Variants in RAPGEF5 observed in about 807,000 individuals in gnomAD.
RAPGEF5 encodes Rap guanine nucleotide exchange factor 5, also known as M-Ras-regulated GEF.
A neutral mutation model predicts 125.2 loss-of-function variants in RAPGEF5; 65 were observed. That is an observed-to-expected ratio of 0.52 (90% CI 0.43 to 0.64). The LOEUF (loss-of-function observed/expected upper bound fraction) is 0.64. Among genes scored for constraint, RAPGEF5 ranks in the 30% least tolerant of loss-of-function variants. The pLI is 0.00. For synonymous variants in RAPGEF5, 391 were observed against 385.9 expected (o/e 1.01, Z -0.16); for missense variants, 958 against 1,048.1 (o/e 0.91, Z 1.19).
intron 1 of RAPGEF5, among the ~76,000 whole-genome samples, chr7:22,349,364 C>A (rs1784286975): frequency 7.2e-6 from 1 of 139,848 alleles, no homozygotes; most frequent in Non-Finnish European, 1.5e-5. Flanking sequence ...GTAGAGGTTG[C>A]AGTGGGCTGA....
In RAPGEF5 at chr7:22,230,897, G is replaced by A. The variant is rs1382893672; in HGVS notation, c.819C>T (p.Asn273=). 1 of 1,563,074 alleles carries A rather than the reference G, an allele frequency of 6.4e-7. No individual in the cohort carries two copies. Among genetic ancestry groups the A allele is most frequent in the African/African-American group, 1.4e-5 (1 of 74,026 alleles). Residue 273 remains asparagine (N), a synonymous_variant, in exon 8 of 26, where the codon AAC becomes AAT. Coordinates refer to ENST00000665637, the MANE Select transcript of RAPGEF5 (RefSeq NM_012294.5). The part of the protein sequence containing the change: ...RKSAIEQDEE[N]NDKHVAVTEA... Reference sequence around the variant, plus strand: ...CTGTTACAGCTACATGTTTGTCGTTGTTTTCTTCATCTTGTTCAATTGCTT... The same window carrying A: ...CTGTTACAGCTACATGTTTGTCGTTATTTTCTTCATCTTGTTCAATTGCTT...
At chr7:22,126,247 C>A (rs1317130279) in intron 24 of RAPGEF5, among the ~76,000 whole-genome samples, 2 of 152,194 alleles carry the variant, frequency 1.3e-5, no homozygotes, top group Non-Finnish European at 2.9e-5. Flanking sequence ...GCACCCCCAG[C>A]CCCAGTCATC....
intron 1 of RAPGEF5, among the ~76,000 whole-genome samples, chr7:22,319,336 A>G (rs1385963319): frequency 6.6e-6 from 1 of 152,208 alleles, no homozygotes; most frequent in Non-Finnish European, 1.5e-5. Flanking sequence ...ACTTTCCAGC[A>G]TCTGAACCTT....
At position 22,122,472 on chromosome 7, in the gene RAPGEF5, G is replaced by A. The variant is rs764291878; in HGVS notation, c.2586C>T (p.His862=). ...EHQELKSYVN[H]LYVIDSQQAL... Reference sequence around the variant, plus strand: ...CCTGCTGGCTGTCAATGACATACAGGTGATTAACATAGGACTTTAACTCTT... The same window carrying A: ...CCTGCTGGCTGTCAATGACATACAGATGATTAACATAGGACTTTAACTCTT... Residue 862 remains histidine, a synonymous_variant, in exon 26 of 26, where the codon CAC becomes CAT. Transcript: ENST00000665637. 1 of 1,613,928 alleles carries A rather than the reference G, an allele frequency of 6.2e-7. No homozygotes were observed. Among genetic ancestry groups the A allele is most frequent in the South Asian group, 1.1e-5 (1 of 91,072 alleles).
At chr7:22,343,308 T>C (rs1422608648) in intron 1 of RAPGEF5, among the ~76,000 whole-genome samples, 1 of 152,134 alleles carries the variant, frequency 6.6e-6, no homozygotes, top group Non-Finnish European at 1.5e-5. Context: ...CAACACATGG[T>C]AATTCAAGAT....
At chr7:22,207,812 A>G (rs893749812) in intron 9 of RAPGEF5, among the ~76,000 whole-genome samples, 1 of 152,340 alleles carries the variant, frequency 6.6e-6, no homozygotes. Context: ...TGTAAACTCC[A>G]ATATGCAACC....
intron 5 of RAPGEF5, among the ~76,000 whole-genome samples, chr7:22,305,498 G>A (rs570091425): frequency 6.6e-6 from 1 of 152,096 alleles, no homozygotes; most frequent in Non-Finnish European, 1.5e-5. Flanking sequence ...TGTGAAATAA[G>A]CACATCATAG....
At chr7:22,180,514 C>G (rs1784641453) in intron 11 of RAPGEF5, among the ~76,000 whole-genome samples, 1 of 152,160 alleles carries the variant, frequency 6.6e-6, no homozygotes, top group African/African-American at 2.4e-5. Flanking sequence ...TAAGGAATCT[C>G]AGAACTGACT....
At chr7:22,179,610 G>T (rs1583453656) in intron 11 of RAPGEF5, among the ~76,000 whole-genome samples, 1 of 152,172 alleles carries the variant, frequency 6.6e-6, no homozygotes, top group South Asian at 2.1e-4. Flanking sequence ...ACCACAGGGT[G>T]AGATAGTACG....
intron 13 of RAPGEF5, among the ~76,000 whole-genome samples, chr7:22,161,537 AACACAC>A (rs369030719): frequency 2.8e-3 from 384 of 136,110 alleles, no homozygotes; most frequent in East Asian, 0.017. Flanking sequence ...ACCCTGTCTC[AACACAC>A]ACACACACAC....
At chr7:22,227,345 A>G (rs1007593444) in intron 8 of RAPGEF5, among the ~76,000 whole-genome samples, 1 of 152,202 alleles carries the variant, frequency 6.6e-6, no homozygotes, top group African/African-American at 2.4e-5. Context: ...TAGTATGCAT[A>G]TTTTTAAAAG....
chr7:22,331,301 C>T (rs1198534293), intron 1 of RAPGEF5, among the ~76,000 whole-genome samples: 2 of 152,166 alleles, frequency 1.3e-5, no homozygotes, highest in African/African-American at 2.4e-5. Flanking sequence ...GTAGATGGAA[C>T]ATAAAATGGA....
intron 9 of RAPGEF5, among the ~76,000 whole-genome samples, chr7:22,217,079 G>T (rs997722142): frequency 6.6e-6 from 1 of 152,218 alleles, no homozygotes; most frequent in Non-Finnish European, 1.5e-5. Flanking sequence ...AGTAATGAAG[G>T]TTAGTCAAAA....
chr7:22,218,336 G>A (rs1380706549), intron 9 of RAPGEF5, among the ~76,000 whole-genome samples: 1 of 152,046 alleles, frequency 6.6e-6, no homozygotes, highest in South Asian at 2.1e-4. Context: ...TCTAACTTTG[G>A]TGAAGTGGTA....
chr7:22,210,046 T>G (rs1044028833), intron 9 of RAPGEF5, among the ~76,000 whole-genome samples: 2 of 152,204 alleles, frequency 1.3e-5, no homozygotes, highest in Non-Finnish European at 2.9e-5. Context: ...TATAATCCTA[T>G]TTAGCAGGTG....
In RAPGEF5 at chr7:22,146,901, T is replaced by A. The variant is rs1162308026; in HGVS notation, c.2003A>T (p.His668Leu). 1 of 1,609,336 alleles carries A rather than the reference T, an allele frequency of 6.2e-7. No homozygotes were observed. Among genetic ancestry groups the A allele is most frequent in the Non-Finnish European group, 8.5e-7 (1 of 1,178,740 alleles). The change falls in exon 19 of 26, where the codon CAC becomes CTC. Residue 668 changes from histidine to leucine, a missense_variant. By Grantham distance (99) the His-to-Leu change is moderately conservative. Transcript: ENST00000665637. The part of the protein sequence containing the change: ...NFDWSLFNSI[H>L]EQELIYFTFS... ...ATCTTGTCACTCCTCATTTACCTCG[T>A]GAATTGAATTGAATAGACTCCAATC... is the stretch of plus-strand genomic sequence containing the variant.
chr7:22,312,331 C>T (rs1490790801), intron 3 of RAPGEF5, among the ~76,000 whole-genome samples: 1 of 152,158 alleles, frequency 6.6e-6, no homozygotes, highest in East Asian at 1.9e-4. Flanking sequence ...GCCTCAGCCC[C>T]CCAAGTAGCT....
At chr7:22,325,000 T>C (rs1783786085) in intron 1 of RAPGEF5, among the ~76,000 whole-genome samples, 1 of 152,182 alleles carries the variant, frequency 6.6e-6, no homozygotes, top group African/African-American at 2.4e-5. Context: ...CTCCTTTTTA[T>C]GAGACAAACC....
intron 9 of RAPGEF5, among the ~76,000 whole-genome samples, chr7:22,213,507 G>A (rs1785558032): frequency 1.3e-5 from 2 of 152,112 alleles, no homozygotes; most frequent in South Asian, 4.2e-4. Context: ...AAACTTCTTG[G>A]AGGCAAGAAC....
Sources: gnomAD v4.1 joint callset for allele counts (sites outside exome capture counted in the v4.1 genomes callset) on GRCh38, gnomAD v4.1.1 for gene constraint, MANE v1.5 for transcripts, NCBI Gene and HGNC (gene_info 2026-07-23, HGNC 2026-07-21) for gene names.